DPP10: variants seen among roughly 807,000 people sequenced by gnomAD.
DPP10 encodes the protein dipeptidyl peptidase like 10.
Under a neutral mutation model 120.9 loss-of-function variants are expected in DPP10, and 33 were observed. The observed-to-expected ratio is 0.27, with a 90% CI of 0.21 to 0.37. DPP10 has a LOEUF of 0.37. Ranked by LOEUF, DPP10 falls within the 10% of genes least tolerant of loss-of-function variation. The pLI is 1.00. For missense variants in DPP10, 816 were observed against 942.8 expected, an observed-to-expected ratio of 0.87 and a Z score of 1.76; for synonymous variants, 337 against 326.1, an observed-to-expected ratio of 1.03 and a Z score of -0.36.
At chr2:115,047,223 T>G (rs889539815) in intron 1 of DPP10, among the ~76,000 whole-genome samples, 1 of 152,088 alleles carries the variant, frequency 6.6e-6, no homozygotes. Flanking sequence ...ATGCTGAGAA[T>G]AAATGTTGAA....
rs186088159 is a variant in DPP10 at position 115,316,850 on chromosome 2, G to A, written c.175+7497G>A. ...TGGTGGGGTTTGGTGGCTCATGCCT[G>A]TAATCCCAGCACTTGAGGAGGCCAA... On this transcript the variant is annotated intron_variant, in intron 2 of 25. Coordinates refer to ENST00000410059, the MANE Select transcript of DPP10 (RefSeq NM_020868.6). Among the ~76,000 whole-genome samples, 16 of 152,282 alleles carry A rather than the reference G, an allele frequency of 1.1e-4. No homozygotes were observed. The East Asian group carries it at 2.5e-3, about 24-fold the overall frequency.
chr2:115,727,443 G>A (rs2092792892), intron 7 of DPP10, among the ~76,000 whole-genome samples: 1 of 152,044 alleles, frequency 6.6e-6, no homozygotes, highest in African/African-American at 2.4e-5. Context: ...ACAGTCAGTT[G>A]GTGTTACTAA....
intron 5 of DPP10, among the ~76,000 whole-genome samples, chr2:115,625,439 A>G (rs1014069097): frequency 1.3e-5 from 2 of 152,160 alleles, no homozygotes; most frequent in African/African-American, 2.4e-5. Flanking sequence ...TTATTGACCT[A>G]TTCAGTTTTA....
intron 1 of DPP10, among the ~76,000 whole-genome samples, chr2:114,836,860 G>C (rs1687781335): frequency 6.6e-6 from 1 of 152,148 alleles, no homozygotes; most frequent in Admixed American, 6.5e-5. Context: ...GATGTTCCTT[G>C]CTGAGAAAAA....
At chr2:115,655,914 A>G (rs2088273959) in intron 5 of DPP10, among the ~76,000 whole-genome samples, 2 of 151,662 alleles carry the variant, frequency 1.3e-5, no homozygotes, top group South Asian at 4.1e-4. Flanking sequence ...CATGGGAAAT[A>G]GTCAAACTCA....
At chr2:115,804,922 G>A (rs1187644411) in intron 19 of DPP10, among the ~76,000 whole-genome samples, 2 of 152,220 alleles carry the variant, frequency 1.3e-5, no homozygotes, top group African/African-American at 2.4e-5. Flanking sequence ...CAGATCTCAA[G>A]CTGCATGCTG....
chr2:115,104,773 C>T (rs539695240), intron 1 of DPP10, among the ~76,000 whole-genome samples: 3 of 152,072 alleles, frequency 2.0e-5, no homozygotes, highest in Non-Finnish European at 2.9e-5. Context: ...TCTGGGAGGC[C>T]GAGGCGGGTG....
chr2:114,781,213 A>T (rs571352041), intron 1 of DPP10, among the ~76,000 whole-genome samples: 36 of 152,152 alleles, frequency 2.4e-4, no homozygotes, highest in Non-Finnish European at 4.9e-4. Context: ...CTCCACACAT[A>T]CAGTTCAGAG....
At chr2:114,618,445 T>C (rs1324523208) in intron 1 of DPP10, among the ~76,000 whole-genome samples, 1 of 152,000 alleles carries the variant, frequency 6.6e-6, no homozygotes, top group East Asian at 1.9e-4. Context: ...GTTACCATCA[T>C]ACAGATATAA....
chr2:115,533,997 A>G (rs1430014252), intron 5 of DPP10, among the ~76,000 whole-genome samples: 3 of 152,116 alleles, frequency 2.0e-5, no homozygotes, highest in African/African-American at 7.2e-5. Context: ...AAGTAAACAC[A>G]AGAAATATTT....
At chr2:114,957,137 A>G (rs1201930681) in intron 1 of DPP10, among the ~76,000 whole-genome samples, 1 of 151,964 alleles carries the variant, frequency 6.6e-6, no homozygotes, top group Non-Finnish European at 1.5e-5. Flanking sequence ...AGAGTGAAAA[A>G]ACAACCCAGG....
At chr2:115,743,508 G>A (rs1021155663) in intron 9 of DPP10, among the ~76,000 whole-genome samples, 7 of 152,038 alleles carry the variant, frequency 4.6e-5, no homozygotes, top group Non-Finnish European at 7.4e-5. Flanking sequence ...TTAATTTCCC[G>A]CTTGCTTTAA....
intron 1 of DPP10, among the ~76,000 whole-genome samples, chr2:115,279,681 T>C (rs1289862981): frequency 4.3e-5 from 6 of 140,458 alleles, no homozygotes; most frequent in Non-Finnish European, 6.1e-5. Context: ...TTTTTTTTTT[T>C]TGGAGACAGG....
intron 1 of DPP10, among the ~76,000 whole-genome samples, chr2:114,965,746 A>C (rs1188146614): frequency 2.6e-5 from 4 of 151,802 alleles, no homozygotes; most frequent in Non-Finnish European, 4.4e-5. Flanking sequence ...TGGGAGGCCG[A>C]GGTGGGCGGA....
intron 24 of DPP10, among the ~76,000 whole-genome samples, chr2:115,837,628 G>A (rs1200390416): frequency 1.3e-5 from 2 of 152,088 alleles, no homozygotes; most frequent in Non-Finnish European, 2.9e-5. Context: ...GGAGAAATTT[G>A]ACAAACATCA....
At chr2:114,755,570 G>A (rs1200846730) in intron 1 of DPP10, among the ~76,000 whole-genome samples, 1 of 152,220 alleles carries the variant, frequency 6.6e-6, no homozygotes, top group African/African-American at 2.4e-5. Flanking sequence ...TAAGTGCAAT[G>A]AAGAAAGCAA....
At chr2:115,356,082 C>G (rs1013470742) in intron 3 of DPP10, among the ~76,000 whole-genome samples, 2 of 148,898 alleles carry the variant, frequency 1.3e-5, no homozygotes, top group Admixed American at 6.7e-5. Context: ...GTTTTTTCTT[C>G]TTCTGTGAAG....
chr2:115,176,168 A>G (rs575958696), intron 1 of DPP10, among the ~76,000 whole-genome samples: 11 of 151,930 alleles, frequency 7.2e-5, no homozygotes, highest in Middle Eastern at 6.9e-3. Context: ...TATAAAAGGA[A>G]AGAATTTCAG....
chr2:114,876,973 C>T (rs181274864), intron 1 of DPP10, among the ~76,000 whole-genome samples: 1 of 151,822 alleles, frequency 6.6e-6, no homozygotes, highest in Non-Finnish European at 1.5e-5. Flanking sequence ...ATTTGCTATT[C>T]AAATATAATT....
Sources: gnomAD v4.1 joint callset for allele counts (sites outside exome capture counted in the v4.1 genomes callset) on GRCh38, gnomAD v4.1.1 for gene constraint, MANE v1.5 for transcripts, NCBI Gene and HGNC (gene_info 2026-07-23, HGNC 2026-07-21) for gene names.